Variants in CGNL1 observed in about 807,000 individuals in gnomAD.
CGNL1 encodes the protein cingulin like 1.
Under a neutral mutation model 141.2 loss-of-function variants are expected in CGNL1, and 132 were observed. The ratio of observed to expected loss-of-function variants is 0.93; its 90% CI spans 0.81 to 1.08. CGNL1 has a LOEUF of 1.08. Among genes scored for constraint, CGNL1 ranks in the 50% least tolerant of loss-of-function variants. CGNL1 has a pLI of 0.00. For missense variants in CGNL1, 1,870 were observed against 1,588.6 expected (o/e 1.18, Z -3.01); for synonymous variants, 690 against 622.1 (o/e 1.11, Z -1.63).
chr15:57,543,894 C>G, intron 15 of CGNL1, 115 bp downstream of exon 15: 1 of 704,148 alleles, frequency 1.4e-6, no homozygotes, highest in Non-Finnish European at 2.4e-6. Flanking sequence ...ATCCCAAGAA[C>G]TCTGGGGGGT....
chr15:57,531,589 G>A, intron 13 of CGNL1, 101 bp from the exon 14 acceptor site: 1 of 738,282 alleles, frequency 1.4e-6, no homozygotes, highest in South Asian at 1.6e-5. Flanking sequence ...ATGGTAGTTA[G>A]CTCTCATTTG....
intron 1 of CGNL1, among the ~76,000 whole-genome samples, chr15:57,414,164 T>C (rs1436749422): frequency 6.6e-6 from 1 of 152,166 alleles, no homozygotes; most frequent in Non-Finnish European, 1.5e-5. Context: ...GGCATGGAGC[T>C]GATAGCAGCA....
At chr15:57,435,355 A>AT (rs1337429163) in intron 1 of CGNL1, among the ~76,000 whole-genome samples, 3 of 150,176 alleles carry the variant, frequency 2.0e-5, no homozygotes, top group Admixed American at 6.7e-5. Context: ...AGTCAGGAAT[A>AT]TTGTTTAGCA....
At position 57,448,361 on chromosome 15, in the gene CGNL1, A is replaced by G. The variant is rs528310006; in HGVS notation, c.1804-3139A>G. The stretch of plus-strand genomic sequence containing the variant: ...ATCTATCTCTGGAACTTGATTAAAA[A>G]AAAAGGGCCAGGCATGGTGGTTCAT... On this transcript the variant is annotated intron_variant, in intron 4 of 18. Transcript: ENST00000281282. Among the ~76,000 whole-genome samples the G allele has an allele frequency of 8.6e-5, 13 of 151,716 alleles. No homozygotes were observed. In the South Asian group the frequency reaches 2.7e-3, roughly 32 times the overall value.
intron 12 of CGNL1, among the ~76,000 whole-genome samples, chr15:57,525,696 G>A (rs2031566713): frequency 6.6e-6 from 1 of 151,994 alleles, no homozygotes; most frequent in Non-Finnish European, 1.5e-5. Context: ...TAATTTCTTT[G>A]ATGATCAAAG....
chr15:57,521,673 G>T (rs796375387), intron 10 of CGNL1, among the ~76,000 whole-genome samples: 8 of 152,306 alleles, frequency 5.3e-5, no homozygotes, highest in African/African-American at 1.9e-4. Flanking sequence ...GCCCAGAGTG[G>T]TGAGTCTGTG....
At chr15:57,525,298 T>C (rs1166265405) in intron 12 of CGNL1, among the ~76,000 whole-genome samples, 1 of 152,198 alleles carries the variant, frequency 6.6e-6, no homozygotes, top group Admixed American at 6.5e-5. Context: ...GAAACCCAAA[T>C]GCTAGCTCCC....
chr15:57,385,604 AGTGATGGCTCTTTGGTTCC>A (rs1435733791), intron 1 of CGNL1, among the ~76,000 whole-genome samples: 1 of 152,198 alleles, frequency 6.6e-6, no homozygotes, highest in Non-Finnish European at 1.5e-5. Flanking sequence ...GATCACTAGG[AGTGATGGCTCTTTGGTTCC>A]TCTTCCATTT....
At chr15:57,401,434 G>C (rs1470973106) in intron 1 of CGNL1, among the ~76,000 whole-genome samples, 1 of 152,170 alleles carries the variant, frequency 6.6e-6, no homozygotes, top group African/African-American at 2.4e-5. Context: ...ATGGGTCTCA[G>C]GGATTTGAAT....
intron 8 of CGNL1, among the ~76,000 whole-genome samples, chr15:57,493,451 T>G (rs2063894864): frequency 6.6e-6 from 1 of 152,156 alleles, no homozygotes; most frequent in Non-Finnish European, 1.5e-5. Context: ...AGACTGTACG[T>G]GACCCAAAGC....
At chr15:57,412,873 TC>T (rs2152271949) in intron 1 of CGNL1, among the ~76,000 whole-genome samples, 1 of 152,284 alleles carries the variant, frequency 6.6e-6, no homozygotes, top group African/African-American at 2.4e-5. Context: ...TCTTTTTTTT[TC>T]TTTTTGAGAC....
At chr15:57,547,303 G>C (rs902179849) in intron 18 of CGNL1, 52 bp from the exon 19 acceptor site, 2 of 1,600,846 alleles carry the variant, frequency 1.2e-6, no homozygotes, top group African/African-American at 2.7e-5. Flanking sequence ...GTCCAAATTA[G>C]CTATGGGCCC....
chr15:57,452,417 T>C, intron 6 of CGNL1, 128 bp downstream of exon 6: 2 of 803,226 alleles, frequency 2.5e-6, no homozygotes, highest in Non-Finnish European at 3.8e-6. Context: ...TTTCCTTTTC[T>C]TCCTCTTATC....
chr15:57,421,799 C>T (rs866499758), intron 1 of CGNL1, among the ~76,000 whole-genome samples: 5 of 150,710 alleles, frequency 3.3e-5, no homozygotes, highest in Non-Finnish European at 7.4e-5. Flanking sequence ...TGTCAGGGGT[C>T]GTGTGCTCCT....
chr15:57,484,320 G>T (rs898490903), intron 8 of CGNL1, among the ~76,000 whole-genome samples: 1 of 152,000 alleles, frequency 6.6e-6, no homozygotes, highest in East Asian at 1.9e-4. Flanking sequence ...ATTTAATATC[G>T]CATAAGTTGT....
At chr15:57,441,230 AG>A (rs1169481851) in intron 3 of CGNL1, among the ~76,000 whole-genome samples, 2 of 151,692 alleles carry the variant, frequency 1.3e-5, no homozygotes, top group African/African-American at 4.9e-5. Flanking sequence ...AATATAAAAC[AG>A]GGGATCTTTT....
intron 8 of CGNL1, among the ~76,000 whole-genome samples, chr15:57,472,073 G>GA (rs1799300815): frequency 6.6e-6 from 1 of 151,126 alleles, no homozygotes; most frequent in Non-Finnish European, 1.5e-5. Context: ...CCCCATCTCA[G>GA]AAAAAAGAAA....
At chr15:57,436,267 C>T (rs1366159260) in intron 1 of CGNL1, among the ~76,000 whole-genome samples, 1 of 152,096 alleles carries the variant, frequency 6.6e-6, no homozygotes, top group East Asian at 1.9e-4. Flanking sequence ...TGGGGGTGGC[C>T]ATATGATTAA....
intron 1 of CGNL1, among the ~76,000 whole-genome samples, chr15:57,418,600 C>A (rs1294048300): frequency 6.6e-5 from 10 of 152,110 alleles, no homozygotes; most frequent in Non-Finnish European, 2.9e-5. Context: ...GGAAACTGTC[C>A]ACAGCTCATA....
Sources: gnomAD v4.1 joint callset for allele counts (sites outside exome capture counted in the v4.1 genomes callset) on GRCh38, gnomAD v4.1.1 for gene constraint, MANE v1.5 for transcripts, NCBI Gene and HGNC (gene_info 2026-07-23, HGNC 2026-07-21) for gene names.